TBC1D10B: variants seen among roughly 807,000 people sequenced by gnomAD.
TBC1D10B encodes TBC1 domain family member 10B.
TBC1D10B carries 25 observed loss-of-function variants against 78.4 expected under a neutral mutation model. The observed-to-expected ratio is 0.32, with a 90% CI of 0.23 to 0.45. TBC1D10B has a LOEUF of 0.45. Among genes scored for constraint, TBC1D10B ranks in the 20% least tolerant of loss-of-function variants. TBC1D10B has a pLI of 1.00. For synonymous variants in TBC1D10B, 517 were observed against 478.0 expected, an observed-to-expected ratio of 1.08 and a Z score of -1.06; for missense variants, 996 against 1,104.8, an observed-to-expected ratio of 0.90 and a Z score of 1.40.
chr16:30,358,093 G>C lies in TBC1D10B; in HGVS notation c.2278C>G (p.Arg760Gly), dbSNP rs1374319497. 2.0e-5 allele frequency: 31 copies of C among 1,550,482 alleles called. No homozygotes were observed. The highest frequency in any genetic ancestry group is 4.9e-5 in the East Asian group (2 of 40,922). ...EKEREKQEKE[R>G]EKQEKERQKQ... The stretch of plus-strand genomic sequence containing the variant: ...TGCCGCTCCTTCTCCTGCTTCTCTC[G>C]CTCCTTTTCCTGCTTCTCTCGCTCT... The change falls in exon 9 of 9, where the codon CGA becomes GGA. Residue 760 changes from arginine (R) to glycine (G), a missense_variant. Coordinates refer to ENST00000409939, the MANE Select transcript of TBC1D10B (RefSeq NM_015527.4).
chr16:30,369,720 C>A lies in TBC1D10B; in HGVS notation c.464G>T (p.Arg155Met). The A allele has an allele frequency of 6.7e-7, 1 of 1,482,592 alleles. No individual in the cohort carries two copies. Among genetic ancestry groups the A allele is most frequent in the Non-Finnish European group, 9.0e-7 (1 of 1,115,864 alleles). 91.8% of individuals were successfully genotyped at this position (1,482,592 alleles called of 1,614,324 possible). The stretch of plus-strand genomic sequence containing the variant: ...ACCAGGAGCCGTTCTGGAAGGGGTC[C>A]TGGTAGGGGTCCCGGTGGGGGTCCC... The part of the protein sequence containing the change: ...GPGTPTGTPT[R>M]TPSRTAPGAL... Residue 155 changes from arginine to methionine, a missense_variant, in exon 1 of 9, where the codon AGG becomes ATG. Arg to Met is a moderately conservative substitution (Grantham distance 91). Coordinates refer to ENST00000409939, the MANE Select transcript of TBC1D10B (RefSeq NM_015527.4). This position sits in a 1 kb window ranked among gnomAD's most constrained non-coding sequence, Gnocchi z 4.3.
chr16:30,361,448 C>T (rs985103894), intron 4 of TBC1D10B, among the ~76,000 whole-genome samples: 1 of 152,176 alleles, frequency 6.6e-6, no homozygotes, highest in Non-Finnish European at 1.5e-5. Flanking sequence ...TTGTTTGTTT[C>T]GAGACAGTTT....
rs1213143519 is a variant in TBC1D10B at position 30,369,613 on chromosome 16, G to C, written c.571C>G (p.Gln191Glu). ...SGVTARSASGQVTGGHGAAAA... is the reference protein window; with the variant it reads ...SGVTARSASGEVTGGHGAAAA... ...GCAGCTCCATGCCCACCTGTCACTT[G>C]TCCTGATGCACTCCGTGCAGTCACT... The change falls in exon 1 of 9, where the codon CAA (glutamine) becomes GAA (glutamate). Residue 191 changes from glutamine to glutamate, a missense_variant. Around this residue, in one of 5 missense-constraint regions of TBC1D10B, gnomAD observed 448 missense variants for 442.1 expected, o/e 1.01. Coordinates refer to ENST00000409939, the MANE Select transcript of TBC1D10B (RefSeq NM_015527.4). This position sits in a 1 kb window ranked among gnomAD's most constrained non-coding sequence, Gnocchi z 4.3. 2.6e-6 allele frequency: 4 copies of C among 1,527,054 alleles called. No homozygotes were observed. The highest frequency in any genetic ancestry group is 3.5e-6 in the Non-Finnish European group (4 of 1,134,320). 94.6% of individuals were successfully genotyped at this position (1,527,054 alleles called of 1,614,324 possible).
Position 30,369,174 on chromosome 16 carries a change from C to A in TBC1D10B, c.956+54G>T. The A allele has an allele frequency of 1.3e-6, 2 of 1,492,184 alleles. No individual in the cohort carries two copies. The highest frequency in any genetic ancestry group is 1.8e-6 in the Non-Finnish European group (2 of 1,116,008). 92.4% of individuals were successfully genotyped at this position (1,492,184 alleles called of 1,614,324 possible). A position where few individuals can be genotyped will look rare whatever the true frequency, so the allele number is the denominator to read the frequency against. The stretch of plus-strand genomic sequence containing the variant: ...AAGTGTATCGTTTTCGTTTCGCCCT[C>A]CCCCAACCTTTGCTTCCCCGAGGCG... On this transcript the variant is annotated intron_variant, in intron 1 of 8. Transcript: ENST00000409939. This position sits in a 1 kb window ranked among gnomAD's most constrained non-coding sequence, Gnocchi z 4.3.
At chr16:30,364,827 G>T in intron 4 of TBC1D10B, 73 bp downstream of exon 4, 2 of 1,405,180 alleles carry the variant, frequency 1.4e-6, no homozygotes, top group Non-Finnish European at 2.0e-6. Flanking sequence ...ACTCAGTCTT[G>T]TATCCACCTA....
In TBC1D10B at chr16:30,358,630, C is replaced by T. The variant is rs1207825014; in HGVS notation, c.1797+33G>A. ...AGCTGAGGGTGGGAGCGGGCTGAGGCAGGCAGGGGCTGCGTTGAGGGCACA... is the reference window on the plus strand; with the variant it reads ...AGCTGAGGGTGGGAGCGGGCTGAGGTAGGCAGGGGCTGCGTTGAGGGCACA... On this transcript the variant is annotated intron_variant, in intron 8 of 8. Transcript: ENST00000409939. The T allele has an allele frequency of 5.0e-6, 8 of 1,588,674 alleles. No individual in the cohort carries two copies. The African/African-American group carries it at 9.4e-5, about 19-fold the overall frequency.
intron 4 of TBC1D10B, among the ~76,000 whole-genome samples, chr16:30,364,117 C>CAA (rs566136462): frequency 7.5e-5 from 8 of 106,916 alleles, no homozygotes; most frequent in Non-Finnish European, 1.4e-4. Flanking sequence ...AACTCCATCT[C>CAA]AAAAAAAAAA....
At chr16:30,360,503 A>G (rs2049592241) in intron 4 of TBC1D10B, among the ~76,000 whole-genome samples, 1 of 152,080 alleles carries the variant, frequency 6.6e-6, no homozygotes, top group African/African-American at 2.4e-5. Context: ...TTTCTTGCCC[A>G]TAAAAAATGA....
In TBC1D10B at chr16:30,358,812, T is replaced by G; in HGVS notation, c.1648A>C (p.Lys550Gln). Residue 550 changes from lysine to glutamine, a missense_variant, in exon 8 of 9, where the codon AAG becomes CAG. Physicochemically the swap from Lys to Gln is moderately conservative, Grantham distance 53. Coordinates refer to ENST00000409939, the MANE Select transcript of TBC1D10B (RefSeq NM_015527.4). ...VWDMFFCEGV[K>Q]IIFRVALVLL... ...ACCAGGGCCACCCGGAAGATGATCTTAACGCCTGCAGGGGTGGAGAGTAGA... is the reference window on the plus strand; with the variant it reads ...ACCAGGGCCACCCGGAAGATGATCTGAACGCCTGCAGGGGTGGAGAGTAGA... The G allele has an allele frequency of 6.2e-7, 1 of 1,606,668 alleles. No individual in the cohort carries two copies. Among genetic ancestry groups the G allele is most frequent in the Non-Finnish European group, 8.5e-7 (1 of 1,177,098 alleles).
At chr16:30,363,573 T>C (rs1235062655) in intron 4 of TBC1D10B, among the ~76,000 whole-genome samples, 1 of 152,052 alleles carries the variant, frequency 6.6e-6, no homozygotes, top group Non-Finnish European at 1.5e-5. Flanking sequence ...CGGGGCAACA[T>C]GATGAAAACC....
chr16:30,358,777 G>A lies in TBC1D10B; in HGVS notation c.1683C>T (p.Arg561=), dbSNP rs1376324712. 2 of 1,609,492 alleles carry A rather than the reference G, an allele frequency of 1.2e-6. No homozygotes were observed. Among genetic ancestry groups the A allele is most frequent in the African/African-American group, 2.7e-5 (2 of 74,882 alleles). ...IIFRVALVLL[R]HTLGSVEKLR... is the part of the protein sequence containing the mutation. Reference sequence around the variant, plus strand: ...GCTTCTCCACTGAGCCCAGCGTGTGGCGCAGCAGGACCAGGGCCACCCGGA... The same window carrying A: ...GCTTCTCCACTGAGCCCAGCGTGTGACGCAGCAGGACCAGGGCCACCCGGA... Residue 561 remains arginine, a synonymous_variant, in exon 8 of 9, where the codon CGC becomes CGT. Transcript: ENST00000409939.
At chr16:30,361,284 CTG>C (rs959070114) in intron 4 of TBC1D10B, among the ~76,000 whole-genome samples, 1 of 152,160 alleles carries the variant, frequency 6.6e-6, no homozygotes, top group African/African-American at 2.4e-5. Context: ...CAGTCAAGCT[CTG>C]TCTCAAAACA....
chr16:30,369,930 G>C lies in TBC1D10B; in HGVS notation c.254C>G (p.Thr85Arg). ...APAPAPAPAV[T>R]GSTVVVLTLE... ...GGTCAGCACCACCACCGTGCTGCCC[G>C]TGACAGCCGGGGCTGGGGCCGGGGC... is the stretch of plus-strand genomic sequence containing the variant. Residue 85 changes from threonine to arginine, a missense_variant, in exon 1 of 9, where the codon ACG (threonine) becomes AGG (arginine). By Grantham distance (71) the Thr-to-Arg change is moderately conservative. Around this residue, in one of 5 missense-constraint regions of TBC1D10B, gnomAD observed 448 missense variants for 442.1 expected, o/e 1.01. Coordinates refer to ENST00000409939, the MANE Select transcript of TBC1D10B (RefSeq NM_015527.4). The surrounding 1 kb of genome is among the most constrained non-coding windows in gnomAD (Gnocchi z 4.3). 7.6e-7 allele frequency: 1 copy of C among 1,309,154 alleles called. No individual in the cohort carries two copies. The highest frequency in any genetic ancestry group is 9.7e-7 in the Non-Finnish European group (1 of 1,031,326). The allele number at this position is 1,309,154 out of a possible 1,614,324, so 81.1% of individuals were successfully genotyped here.
chr16:30,367,395 C>T (rs1279900030), intron 1 of TBC1D10B: 2 of 152,208 alleles, frequency 1.3e-5, no homozygotes, highest in African/African-American at 4.8e-5. Context: ...CGGTTACAAA[C>T]TCTACCAAGG....
chr16:30,366,779 G>A (rs1364033507), intron 1 of TBC1D10B: 1 of 152,206 alleles, frequency 6.6e-6, no homozygotes, highest in African/African-American at 2.4e-5. Context: ...TAGAACGGAA[G>A]AAAGCTTGGG....
chr16:30,357,808 C>T lies in TBC1D10B; in HGVS notation c.*136G>A, dbSNP rs191642781. On this transcript the variant is annotated 3_prime_UTR_variant, in exon 9 of 9. Transcript: ENST00000409939. ...TGCCCGTGTAGGGATCAGCAGCTGG[C>T]GAGGAGATGGGGAACCAAGCCACTT... is the stretch of plus-strand genomic sequence containing the variant. 45 of 1,219,488 alleles carry T rather than the reference C, an allele frequency of 3.7e-5. No individual in the cohort carries two copies. Among genetic ancestry groups the T allele is most frequent in the South Asian group, 1.6e-4 (10 of 62,798 alleles). The allele number at this position is 1,219,488 out of a possible 1,614,324, so 75.5% of individuals were successfully genotyped here.
intron 4 of TBC1D10B, among the ~76,000 whole-genome samples, chr16:30,363,548 G>C (rs1227052031): frequency 6.6e-6 from 1 of 152,120 alleles, no homozygotes; most frequent in Admixed American, 6.5e-5. Flanking sequence ...TTGAGCCCAG[G>C]AGTTCAAGAC....
chr16:30,370,307 G>A lies in TBC1D10B; in HGVS notation c.-124C>T. On this transcript the variant is annotated 5_prime_UTR_variant, in exon 1 of 9. Coordinates refer to ENST00000409939, the MANE Select transcript of TBC1D10B (RefSeq NM_015527.4). The stretch of plus-strand genomic sequence containing the variant: ...GAAGGGCGCGGCTCGGCGCGCGCCG[G>A]GGGCGGAGCGGCCGCTGGGCGCGCA... The A allele has an allele frequency of 2.6e-6, 1 of 378,310 alleles. No individual in the cohort carries two copies. The highest frequency in any genetic ancestry group is 2.2e-5 in the African/African-American group (1 of 45,726). 23.4% of individuals were successfully genotyped at this position (378,310 alleles called of 1,614,324 possible). A position where few individuals can be genotyped will look rare whatever the true frequency, so the allele number is the denominator to read the frequency against.
intron 4 of TBC1D10B, chr16:30,360,227 C>T (rs567248000): frequency 5.4e-6 from 1 of 183,810 alleles, no homozygotes; most frequent in South Asian, 1.2e-4. Context: ...CCTTATCGGT[C>T]TCACTGGATT....
Sources: gnomAD v4.1 joint callset for allele counts (sites outside exome capture counted in the v4.1 genomes callset) on GRCh38, gnomAD v4.1.1 for gene constraint, gnomAD v4.1.1 regional missense constraint, Gnocchi (gnomAD v3.1) non-coding constraint, MANE v1.5 for transcripts, NCBI Gene and HGNC (gene_info 2026-07-23, HGNC 2026-07-21) for gene names.